TMC6: variants seen among roughly 807,000 people sequenced by gnomAD.
TMC6 encodes transmembrane channel like 6.
In TMC6, 71 loss-of-function variants were observed where a neutral mutation model predicts 95.4. That is an observed-to-expected ratio of 0.74 (90% CI 0.61 to 0.91). The LOEUF (loss-of-function observed/expected upper bound fraction) is 0.91, where lower values mean the gene tolerates loss of function less well. Among genes scored for constraint, TMC6 ranks in the 40% least tolerant of loss-of-function variants. TMC6 has a pLI of 0.00. For synonymous variants in TMC6, 514 were observed against 483.1 expected (o/e 1.06, Z -0.84); for missense variants, 1,074 against 1,079.1 (o/e 1.00, Z 0.07).
Position 78,107,591 on chromosome 17 carries a change from C to G in TMC6, c.*5557G>C, listed in dbSNP as rs769489596. 4 of 152,272 alleles carry G rather than the reference C, an allele frequency of 2.6e-5. No homozygotes were observed. Among genetic ancestry groups the G allele is most frequent in the Non-Finnish European group, 5.9e-5 (4 of 68,052 alleles). The allele number at this position is 152,272 out of a possible 1,614,324, so 9.4% of individuals were successfully genotyped here. A position where few individuals can be genotyped will look rare whatever the true frequency, so the allele number is the denominator to read the frequency against. On this transcript the variant is annotated 3_prime_UTR_variant, in exon 20 of 20. Coordinates refer to ENST00000590602, the MANE Select transcript of TMC6 (RefSeq NM_001127198.5). ...AGAGCTCACATACGTACCTCTCTCA[C>G]GAGTGAACTCAGATTTTCCATTGTT...
At position 78,128,668 on chromosome 17, in the gene TMC6, G is replaced by C. The variant is rs1020091013; in HGVS notation, c.-131C>G. 6.6e-6 allele frequency: 1 copy of C among 152,112 alleles called. No individual in the cohort carries two copies. Among genetic ancestry groups the C allele is most frequent in the African/African-American group, 2.4e-5 (1 of 41,436 alleles). 9.4% of individuals were successfully genotyped at this position (152,112 alleles called of 1,614,324 possible). On this transcript the variant is annotated 5_prime_UTR_variant, in exon 1 of 20. Transcript: ENST00000590602. The surrounding 1 kb of genome is among the most constrained non-coding windows in gnomAD (Gnocchi z 4.0). ...CGCAGCCAGGGCTCACCTGTGCCCC[G>C]CAAGAGCCGCCGGGAACTGAGGTCT...
At chr17:78,120,528 T>C in intron 13 of TMC6, 125 bp downstream of exon 13, 4 of 1,415,106 alleles carry the variant, frequency 2.8e-6, no homozygotes, top group Middle Eastern at 1.8e-4. Context: ...TTCCTGAGTC[T>C]TCCTCTGAAG....
rs2073867600 is a variant in TMC6, at chr17:78,112,993, G to T, written c.*155C>A. 1.2e-6 allele frequency: 1 copy of T among 811,276 alleles called. No individual in the cohort carries two copies. The highest frequency in any genetic ancestry group is 2.2e-5 in the Admixed American group (1 of 44,646). 50.3% of individuals were successfully genotyped at this position (811,276 alleles called of 1,614,324 possible). A position where few individuals can be genotyped will look rare whatever the true frequency, so the allele number is the denominator to read the frequency against. On this transcript the variant is annotated 3_prime_UTR_variant, in exon 20 of 20. Transcript: ENST00000590602. ...AGAGTTCATTGGGGATGCCCAAGCC[G>T]GATTCACCCACCCTTCCAGCTCCAG... is the stretch of plus-strand genomic sequence containing the variant.
At chr17:78,113,646 G>A (rs1294609975) in intron 18 of TMC6, 22 bp from the exon 19 acceptor site, 18 of 1,612,270 alleles carry the variant, frequency 1.1e-5, no homozygotes, top group Admixed American at 1.7e-5. Flanking sequence ...AGAACACAAA[G>A]GGGAGGAGAA....
intron 4 of TMC6, 108 bp from the exon 5 acceptor site, chr17:78,125,992 G>C: frequency 2.0e-6 from 3 of 1,471,090 alleles, no homozygotes; most frequent in Admixed American, 4.1e-5. Flanking sequence ...CAGGACCCAG[G>C]AAAATCCTTT....
rs2073839590 is a variant in TMC6, at chr17:78,112,107, G to T, written c.*1041C>A. The stretch of plus-strand genomic sequence containing the variant: ...ACGGGCTGGTCCCCGCAGGCCTGGA[G>T]CACTGAGGCTGACGGGCTGGTTCCT... On this transcript the variant is annotated 3_prime_UTR_variant, in exon 20 of 20. Coordinates refer to ENST00000590602, the MANE Select transcript of TMC6 (RefSeq NM_001127198.5). The T allele has an allele frequency of 4.5e-6, 1 of 223,690 alleles. No homozygotes were observed. Among genetic ancestry groups the T allele is most frequent in the Non-Finnish European group, 9.1e-6 (1 of 109,738 alleles). 13.9% of individuals were successfully genotyped at this position (223,690 alleles called of 1,614,324 possible).
chr17:78,122,038 T>G lies in TMC6; in HGVS notation c.1228-327A>C, dbSNP rs1253781323. ...CTCAGAGGTCCTTTCCTGTTCCCTG[T>G]GGATGTGGGTGGCCCCCAGTGACCA... On this transcript the variant is annotated intron_variant, in intron 10 of 19. Coordinates refer to ENST00000590602, the MANE Select transcript of TMC6 (RefSeq NM_001127198.5). The surrounding 1 kb of genome is among the most constrained non-coding windows in gnomAD (Gnocchi z 4.9). 6.6e-6 allele frequency among the ~76,000 whole-genome samples: 1 copy of G among 152,020 alleles called. No individual in the cohort carries two copies. Among genetic ancestry groups the G allele is most frequent in the Non-Finnish European group, 1.5e-5 (1 of 67,998 alleles).
rs1379916109 is a variant in TMC6 at position 78,110,971 on chromosome 17, C to T, written c.*2177G>A. Reference sequence around the variant, plus strand: ...GACAGAAACGAGGAGAGGACGGGCTCACCCAGCCGTGGGGCCGCGGGCTGG... The same window carrying T: ...GACAGAAACGAGGAGAGGACGGGCTTACCCAGCCGTGGGGCCGCGGGCTGG... On this transcript the variant is annotated 3_prime_UTR_variant, in exon 20 of 20. Coordinates refer to ENST00000590602, the MANE Select transcript of TMC6 (RefSeq NM_001127198.5). 7.0e-6 allele frequency: 1 copy of T among 143,604 alleles called. No individual in the cohort carries two copies. Among genetic ancestry groups the T allele is most frequent in the Non-Finnish European group, 1.5e-5 (1 of 65,988 alleles). 8.9% of individuals were successfully genotyped at this position (143,604 alleles called of 1,614,324 possible).
intron 1 of TMC6, 36 bp from the exon 2 acceptor site, chr17:78,126,942 T>TGAAGA: frequency 3.8e-6 from 5 of 1,299,266 alleles, no homozygotes; most frequent in African/African-American, 1.5e-5. Context: ...GGGGTGGTCT[T>TGAAGA]CAACGCCTGG....
upstream of TMC6, chr17:78,132,397 C>T (rs1246721342): frequency 1.2e-6 from 2 of 1,612,958 alleles, no homozygotes; most frequent in African/African-American, 1.3e-5. Flanking sequence ...CTTCACCTTC[C>T]TCCGCTTCCT....
rs1404375907 is a variant in TMC6 at position 78,110,484 on chromosome 17, GAA to G, written c.*2662_*2663del. 1 of 152,152 alleles carries G rather than the reference GAA, an allele frequency of 6.6e-6. No individual in the cohort carries two copies. Among genetic ancestry groups the G allele is most frequent in the East Asian group, 1.9e-4 (1 of 5,192 alleles). 9.4% of individuals were successfully genotyped at this position (152,152 alleles called of 1,614,324 possible). A position where few individuals can be genotyped will look rare whatever the true frequency, so the allele number is the denominator to read the frequency against. On this transcript the variant is annotated 3_prime_UTR_variant, in exon 20 of 20. Transcript: ENST00000590602. Reference sequence around the variant, plus strand: ...AAGACTCTGAAAAAGCAAATAAACCGAAACTCTTGGGCTCAAGCAATCCTCCG... The same window carrying G: ...AAGACTCTGAAAAAGCAAATAAACCGACTCTTGGGCTCAAGCAATCCTCCG...
rs752170080 is a variant in TMC6, at chr17:78,117,573, A to G, written c.2093T>C (p.Val698Ala). ...GGGGCCTGCCGCCTCCAGGTGGCGC[A>G]CCCACACCCTGCCGGCCTCGTACAT... The part of the protein sequence containing the change: ...DTMYEAGRVW[V>A]RHLEAAGPRV... Residue 698 changes from valine to alanine, a missense_variant, in exon 17 of 20, where the codon GTG (valine) becomes GCG (alanine). Physicochemically the swap from Val to Ala is moderately conservative, Grantham distance 64. Coordinates refer to ENST00000590602, the MANE Select transcript of TMC6 (RefSeq NM_001127198.5). The G allele has an allele frequency of 2.3e-5, 37 of 1,589,036 alleles. No individual in the cohort carries two copies. In the South Asian group the frequency reaches 4.0e-4, roughly 17 times the overall value.
chr17:78,125,005 T>C lies in TMC6; in HGVS notation c.537-20A>G, dbSNP rs759157838. 20 of 1,569,654 alleles carry C rather than the reference T, an allele frequency of 1.3e-5. No homozygotes were observed. The highest frequency in any genetic ancestry group is 1.7e-5 in the Non-Finnish European group (20 of 1,161,004). ...TTCTCTCTGGGGACAGAGGCAGCCA[T>C]AGGTGCCTGGACCAATGAGGGGCCT... On this transcript the variant is annotated intron_variant, in intron 6 of 19. Transcript: ENST00000590602.
Position 78,126,168 on chromosome 17 carries a change from G to A in TMC6, c.271+109C>T, listed in dbSNP as rs564991663. The A allele has an allele frequency of 1.8e-5, 26 of 1,433,816 alleles. No homozygotes were observed. In the South Asian group the frequency reaches 2.1e-4, roughly 11 times the overall value. The allele number at this position is 1,433,816 out of a possible 1,614,324, so 88.8% of individuals were successfully genotyped here. A position where few individuals can be genotyped will look rare whatever the true frequency, so the allele number is the denominator to read the frequency against. ...CGCCCTGGGCCTGGCTCTGAGCTACGGGAGCAGCCACTACCCAGGGAGATG... is the reference window on the plus strand; with the variant it reads ...CGCCCTGGGCCTGGCTCTGAGCTACAGGAGCAGCCACTACCCAGGGAGATG... On this transcript the variant is annotated intron_variant, in intron 4 of 19. Transcript: ENST00000590602.
At chr17:78,131,967 G>C, upstream of TMC6, 1 of 1,521,366 alleles carries the variant, frequency 6.6e-7, no homozygotes, top group Middle Eastern at 1.9e-4. Flanking sequence ...GCGCCTGCGG[G>C]AGGCAGCGCA....
chr17:78,125,804 C>G lies in TMC6; in HGVS notation c.352G>C (p.Gly118Arg), dbSNP rs762117152. 9 of 1,558,982 alleles carry G rather than the reference C, an allele frequency of 5.8e-6. No individual in the cohort carries two copies. In the East Asian group the frequency reaches 1.4e-4, roughly 25 times the overall value. ...GGCCAGGCGGAGCGGACAAAGTTCC[C>G]GAGCAGGGGCCGGCTGCTCCTGCAC... ...LRCRSSRPLLGNFVRSAWPSL... is the reference protein window; with the variant it reads ...LRCRSSRPLLRNFVRSAWPSL... The change falls in exon 5 of 20, where the codon GGG (glycine) becomes CGG (arginine). Residue 118 changes from glycine to arginine, a missense_variant. Transcript: ENST00000590602.
In TMC6 at chr17:78,121,423, G is replaced by T; in HGVS notation, c.1383+133C>A. ...GGGGCTCGGAGGGGGCCCCAGCACG[G>T]GGCACAGCGTACGTGGCACCCTGGG... On this transcript the variant is annotated intron_variant, in intron 11 of 19. Coordinates refer to ENST00000590602, the MANE Select transcript of TMC6 (RefSeq NM_001127198.5). The surrounding 1 kb of genome is among the most constrained non-coding windows in gnomAD (Gnocchi z 5.6). The T allele has an allele frequency of 6.7e-7, 1 of 1,486,928 alleles. No individual in the cohort carries two copies. The highest frequency in any genetic ancestry group is 9.2e-7 in the Non-Finnish European group (1 of 1,090,656). The allele number at this position is 1,486,928 out of a possible 1,614,324, so 92.1% of individuals were successfully genotyped here.
chr17:78,124,158 T>G lies in TMC6; in HGVS notation c.913A>C (p.Met305Leu), dbSNP rs764376903. The G allele has an allele frequency of 6.2e-7, 1 of 1,611,978 alleles. No homozygotes were observed. The highest frequency in any genetic ancestry group is 1.7e-5 in the Admixed American group (1 of 59,998). ...TGAGCFTHTV[M>L]YYGHYSNATL... ...GCGTTACTGTAGTGGCCGTAGTACA[T>G]GACGGTGTGGGTGAAGCAACCCTGC... is the stretch of plus-strand genomic sequence containing the variant. The change falls in exon 9 of 20, where the codon ATG becomes CTG. Residue 305 changes from methionine (M) to leucine (L), a missense_variant. Physicochemically the swap from Met to Leu is conservative, Grantham distance 15. Transcript: ENST00000590602.
chr17:78,122,694 C>A lies in TMC6; in HGVS notation c.1138G>T (p.Ala380Ser). ...TCCCAGGAGCAGAAGACGGTGATGG[C>A]GTGGATGCCAGAGGTGCTGCCCACC... ...YRVGSTSGIH[A>S]ITVFCSWDYK... Residue 380 changes from alanine (A) to serine (S), a missense_variant, in exon 10 of 20, where the codon GCC becomes TCC. Coordinates refer to ENST00000590602, the MANE Select transcript of TMC6 (RefSeq NM_001127198.5). This position sits in a 1 kb window ranked among gnomAD's most constrained non-coding sequence, Gnocchi z 4.9. 1.9e-6 allele frequency: 3 copies of A among 1,611,606 alleles called. No homozygotes were observed. Among genetic ancestry groups the A allele is most frequent in the Non-Finnish European group, 2.5e-6 (3 of 1,179,360 alleles).
Sources: gnomAD v4.1 joint callset for allele counts (sites outside exome capture counted in the v4.1 genomes callset) on GRCh38, gnomAD v4.1.1 for gene constraint, Gnocchi (gnomAD v3.1) non-coding constraint, MANE v1.5 for transcripts, NCBI Gene and HGNC (gene_info 2026-07-23, HGNC 2026-07-21) for gene names.